The following LPIN1 variants were observed in gnomAD, a reference collection of about 807,000 sequenced individuals.
LPIN1 encodes the protein phosphatidate phosphatase LPIN1.
LPIN1 carries 71 observed loss-of-function variants against 107.5 expected under a neutral mutation model. That is an observed-to-expected ratio of 0.66 (90% CI 0.55 to 0.80). The LOEUF (loss-of-function observed/expected upper bound fraction) is 0.80, where lower values mean the gene tolerates loss of function less well. Among genes scored for constraint, LPIN1 ranks in the 30% least tolerant of loss-of-function variants. LPIN1 has a pLI of 0.00. For synonymous variants in LPIN1, 445 were observed against 452.6 expected (o/e 0.98, Z 0.21); for missense variants, 1,043 against 1,160.6 (o/e 0.90, Z 1.47).
intron 7 of LPIN1, among the ~76,000 whole-genome samples, chr2:11,780,657 G>T (rs1673434386): frequency 6.6e-6 from 1 of 152,142 alleles, no homozygotes; most frequent in Non-Finnish European, 1.5e-5. Flanking sequence ...GGTTATTCTG[G>T]GTTTGAGTCC....
chr2:11,801,313 A>T lies in LPIN1; in HGVS notation c.1887-1594A>T, dbSNP rs986901169. On this transcript the variant is annotated intron_variant, in intron 14 of 20. Coordinates refer to ENST00000674199, the MANE Select transcript of LPIN1 (RefSeq NM_001349206.2). The stretch of plus-strand genomic sequence containing the variant: ...AAGGGATACCTGCATCTCCATGTTT[A>T]TCACAGCACTATTCACAGGAGTTGA... 3.9e-5 allele frequency among the ~76,000 whole-genome samples: 6 copies of T among 152,244 alleles called. No homozygotes were observed. The East Asian group carries it at 1.2e-3, about 29-fold the overall frequency.
chr2:11,824,130 G>A (rs1682027964), intron 20 of LPIN1, among the ~76,000 whole-genome samples: 1 of 152,040 alleles, frequency 6.6e-6, no homozygotes, highest in East Asian at 1.9e-4. Context: ...GCTTAGAGAG[G>A]TTACGCCATT....
intron 1 of LPIN1, chr2:11,713,724 A>C: frequency 2.3e-6 from 3 of 1,285,204 alleles, no homozygotes; most frequent in African/African-American, 1.4e-5. Flanking sequence ...GAACATTTCT[A>C]TTAATTAATT....
Position 11,782,237 on chromosome 2 carries a change from T to C in LPIN1, c.994T>C (p.Leu332=). ...SPHKMKESSP[L]SSRKICDKSH... ...ACACAAGATGAAAGAGTCCAGCCCA[T>C]TGAGCAGTAGAAAAATTTGTGATAA... Residue 332 remains leucine (L), a synonymous_variant, in exon 8 of 21, where the codon TTG becomes CTG. Coordinates refer to ENST00000674199, the MANE Select transcript of LPIN1 (RefSeq NM_001349206.2). 3.1e-6 allele frequency: 5 copies of C among 1,614,120 alleles called. No homozygotes were observed. Among genetic ancestry groups the C allele is most frequent in the Non-Finnish European group, 4.2e-6 (5 of 1,179,986 alleles).
intron 6 of LPIN1, 37 bp downstream of exon 6, chr2:11,776,230 TA>T: frequency 7.4e-7 from 1 of 1,346,704 alleles, no homozygotes. Context: ...ATATATTCAA[TA>T]ATGAAAAATT....
At chr2:11,717,450 C>T (rs964639309) in intron 2 of LPIN1, among the ~76,000 whole-genome samples, 6 of 152,034 alleles carry the variant, frequency 3.9e-5, no homozygotes, top group African/African-American at 1.5e-4. Context: ...ATATTTGCCT[C>T]TCTTTTTTAT....
At chr2:11,719,661 G>A (rs376193358), upstream of LPIN1, among the ~76,000 whole-genome samples, 2 of 152,122 alleles carry the variant, frequency 1.3e-5, no homozygotes, top group African/African-American at 2.4e-5. Flanking sequence ...CTCTTGCTCC[G>A]TCTGGCATCT....
chr2:11,785,999 G>T (rs1022230134), intron 10 of LPIN1, among the ~76,000 whole-genome samples: 2 of 152,244 alleles, frequency 1.3e-5, no homozygotes, highest in South Asian at 2.1e-4. Context: ...AGTCATGGGG[G>T]CTCTCTGGAC....
chr2:11,693,823 T>TAA (rs1225325934), intron 1 of LPIN1, among the ~76,000 whole-genome samples: 1 of 17,554 alleles, frequency 5.7e-5, no homozygotes, highest in African/African-American at 1.8e-4. Flanking sequence ...TATATATATA[T>TAA]TTTTTTTTTT....
At chr2:11,780,368 G>A (rs1673385834) in intron 7 of LPIN1, among the ~76,000 whole-genome samples, 1 of 152,232 alleles carries the variant, frequency 6.6e-6, no homozygotes, top group Admixed American at 6.5e-5. Flanking sequence ...AAAAGAAGCT[G>A]AGTTGTAAGA....
intron 1 of LPIN1, among the ~76,000 whole-genome samples, chr2:11,725,125 T>G (rs552872599): frequency 1.3e-3 from 201 of 152,128 alleles, no homozygotes; most frequent in African/African-American, 4.3e-3. Flanking sequence ...GCCGGGCGTG[T>G]TGGCGGGCGC....
upstream of LPIN1, among the ~76,000 whole-genome samples, chr2:11,746,306 T>C (rs1228820418): frequency 1.3e-5 from 2 of 152,190 alleles, no homozygotes; most frequent in East Asian, 1.9e-4. Flanking sequence ...CCTGGACTTT[T>C]ACCTGGCTGC....
chr2:11,802,570 GAA>G (rs1311190714), intron 14 of LPIN1, among the ~76,000 whole-genome samples: 2 of 152,192 alleles, frequency 1.3e-5, no homozygotes, highest in African/African-American at 4.8e-5. Flanking sequence ...GATAGGAAGA[GAA>G]GAGAGACAGA....
chr2:11,783,255 G>A (rs1413075708), intron 8 of LPIN1, among the ~76,000 whole-genome samples: 4 of 152,168 alleles, frequency 2.6e-5, no homozygotes, highest in Non-Finnish European at 5.9e-5. Context: ...TTTGCCTCGG[G>A]GTATTGATGG....
At chr2:11,820,348 G>A in intron 19 of LPIN1, 63 bp from the exon 20 acceptor site, 1 of 1,057,480 alleles carries the variant, frequency 9.5e-7, no homozygotes, top group South Asian at 1.3e-5. Context: ...GAAATACCAT[G>A]GACTTGTTTT....
chr2:11,759,137 C>CTTTCTTTA (rs1553418371), intron 1 of LPIN1, among the ~76,000 whole-genome samples: 25 of 39,612 alleles, frequency 6.3e-4, no homozygotes, highest in African/African-American at 2.6e-3. Context: ...TCTTTCTTTT[C>CTTTCTTTA]TTTCTTTCTT....
At chr2:11,773,554 T>C (rs1672200078) in intron 4 of LPIN1, 66 bp from the exon 5 acceptor site, 2 of 1,442,200 alleles carry the variant, frequency 1.4e-6, no homozygotes, top group Non-Finnish European at 1.9e-6. Flanking sequence ...CAAGAAAAAA[T>C]TGGAACTTGA....
chr2:11,812,955 G>C (rs192166889), intron 17 of LPIN1, among the ~76,000 whole-genome samples: 1 of 152,196 alleles, frequency 6.6e-6, no homozygotes, highest in African/African-American at 2.4e-5. Flanking sequence ...GTGGCGTGGG[G>C]GCTGGGGGTA....
At chr2:11,769,680 G>T (rs918740773) in intron 3 of LPIN1, among the ~76,000 whole-genome samples, 1 of 151,998 alleles carries the variant, frequency 6.6e-6, no homozygotes, top group Non-Finnish European at 1.5e-5. Context: ...TGCATAAAGA[G>T]TCCTTTGCCA....
Sources: gnomAD v4.1 joint callset for allele counts (sites outside exome capture counted in the v4.1 genomes callset) on GRCh38, gnomAD v4.1.1 for gene constraint, MANE v1.5 for transcripts, NCBI Gene and HGNC (gene_info 2026-07-23, HGNC 2026-07-21) for gene names.